The following WDPCP variants were observed in gnomAD, a reference collection of about 807,000 sequenced individuals.
WDPCP encodes the protein WD repeat containing planar cell polarity effector.
Under a neutral mutation model 93.1 loss-of-function variants are expected in WDPCP, and 71 were observed. The ratio of observed to expected loss-of-function variants is 0.76; its 90% CI spans 0.63 to 0.93. The LOEUF is 0.93. Ranked by LOEUF, WDPCP falls within the 40% of genes least tolerant of loss-of-function variation. WDPCP has a pLI of 0.00. For missense variants in WDPCP, 844 were observed against 887.4 expected (o/e 0.95, Z 0.62); for synonymous variants, 315 against 315.0 (o/e 1.00, Z 0.00).
chr2:63,562,991 T>C (rs932766489), intron 1 of WDPCP, among the ~76,000 whole-genome samples: 52 of 152,274 alleles, frequency 3.4e-4, no homozygotes, highest in African/African-American at 1.1e-3. Flanking sequence ...TAGACTGTCA[T>C]TGCTTCTAAG....
chr2:63,655,759 C>A (rs1710160307), intron 2 of WDPCP, among the ~76,000 whole-genome samples: 1 of 152,182 alleles, frequency 6.6e-6, no homozygotes. Context: ...ATATGCTGTT[C>A]TAAACCTTTT....
intron 2 of WDPCP, among the ~76,000 whole-genome samples, chr2:63,672,829 A>C (rs1206175639): frequency 6.6e-6 from 1 of 151,772 alleles, no homozygotes; most frequent in African/African-American, 2.4e-5. Flanking sequence ...GGCTCACTGA[A>C]GCCTTCTGGA....
chr2:63,807,946 T>C (rs1279246077), intron 2 of WDPCP, among the ~76,000 whole-genome samples: 1 of 152,254 alleles, frequency 6.6e-6, no homozygotes, highest in Non-Finnish European at 1.5e-5. Context: ...GGAAGCCATC[T>C]GTCAGAAAAC....
chr2:63,368,286 A>G (rs1039730383), intron 12 of WDPCP, among the ~76,000 whole-genome samples: 1 of 147,372 alleles, frequency 6.8e-6, no homozygotes, highest in African/African-American at 2.5e-5. Context: ...AGTTCTACTA[A>G]GTTTATTTTT....
chr2:63,812,250 G>A (rs1575780112), intron 2 of WDPCP, among the ~76,000 whole-genome samples: 1 of 152,020 alleles, frequency 6.6e-6, no homozygotes, highest in Non-Finnish European at 1.5e-5. Context: ...ACATGATTTT[G>A]TTCTTTTTTT....
At chr2:63,281,602 A>T (rs757682771) in intron 13 of WDPCP, among the ~76,000 whole-genome samples, 7 of 152,228 alleles carry the variant, frequency 4.6e-5, no homozygotes, top group Admixed American at 6.5e-5. Context: ...CGAGCGGATA[A>T]AGAAAATGTG....
intron 2 of WDPCP, among the ~76,000 whole-genome samples, chr2:63,739,358 C>T (rs1442375173): frequency 2.0e-5 from 3 of 152,136 alleles, no homozygotes; most frequent in Admixed American, 6.5e-5. Context: ...CACATGATCT[C>T]ATCCTTTTTT....
At chr2:63,494,919 C>CAA (rs34227025) in intron 1 of WDPCP, among the ~76,000 whole-genome samples, 108 of 69,344 alleles carry the variant, frequency 1.6e-3, no homozygotes, top group African/African-American at 2.9e-3. Flanking sequence ...GACTCCGTCT[C>CAA]AAAAAAAAAA....
At chr2:63,213,370 A>G (rs958078359) in intron 14 of WDPCP, among the ~76,000 whole-genome samples, 4 of 152,246 alleles carry the variant, frequency 2.6e-5, no homozygotes, top group African/African-American at 9.6e-5. Context: ...CTCCTGAATG[A>G]CTACTGGGTA....
rs145374126 is a variant in WDPCP, at chr2:63,310,244, G to A, written c.1812+3004C>T. On this transcript the variant is annotated intron_variant, in intron 13 of 17. Transcript: ENST00000272321. Reference sequence around the variant, plus strand: ...ATAAAATGAAAGCAAGCAAAGTTAGGTAAATTATACAAAATTATGCAGCTA... The same window carrying A: ...ATAAAATGAAAGCAAGCAAAGTTAGATAAATTATACAAAATTATGCAGCTA... Among the ~76,000 whole-genome samples the A allele has an allele frequency of 2.0e-3, 301 of 152,224 alleles. 2 individuals carry two copies. The Middle Eastern group carries it at 0.031, about 15-fold the overall frequency.
chr2:63,288,923 T>A (rs942998696), intron 13 of WDPCP, among the ~76,000 whole-genome samples: 2 of 152,128 alleles, frequency 1.3e-5, no homozygotes, highest in Non-Finnish European at 2.9e-5. Context: ...ATACTCCCCA[T>A]GACTAGATTT....
At chr2:63,188,129 C>T (rs1390383974) in intron 14 of WDPCP, among the ~76,000 whole-genome samples, 2 of 152,110 alleles carry the variant, frequency 1.3e-5, no homozygotes, top group Non-Finnish European at 2.9e-5. Flanking sequence ...CTTCCTTTGA[C>T]TCATAACAGT....
At chr2:63,214,793 A>G (rs967480017) in intron 14 of WDPCP, among the ~76,000 whole-genome samples, 4 of 152,190 alleles carry the variant, frequency 2.6e-5, no homozygotes, top group African/African-American at 7.2e-5. Flanking sequence ...TACAAAATCA[A>G]TGTGCAAAAA....
intron 13 of WDPCP, among the ~76,000 whole-genome samples, chr2:63,277,918 G>A (rs1429141983): frequency 6.6e-6 from 1 of 152,092 alleles, no homozygotes; most frequent in African/African-American, 2.4e-5. Flanking sequence ...GATATTTACA[G>A]AACATTCTAC....
At chr2:63,656,147 T>A (rs2106634817) in intron 2 of WDPCP, among the ~76,000 whole-genome samples, 1 of 152,322 alleles carries the variant, frequency 6.6e-6, no homozygotes, top group East Asian at 1.9e-4. Flanking sequence ...TTCTCAACTG[T>A]GAGTTCCAGT....
intron 15 of WDPCP, among the ~76,000 whole-genome samples, chr2:63,156,478 G>A (rs1340857560): frequency 1.3e-5 from 2 of 152,134 alleles, no homozygotes; most frequent in Non-Finnish European, 2.9e-5. Context: ...GCTCATGCCT[G>A]TAATCCCAGC....
chr2:63,352,566 T>G (rs1389823936), intron 12 of WDPCP, among the ~76,000 whole-genome samples: 1 of 152,186 alleles, frequency 6.6e-6, no homozygotes, highest in Non-Finnish European at 1.5e-5. Context: ...GATGAATGCA[T>G]TCAGGGAATC....
Position 63,433,845 on chromosome 2 carries a change from C to T in WDPCP, c.725G>A (p.Trp242Ter). Residue 242 changes from tryptophan (W) to a stop codon, truncating the protein, a stop_gained, in exon 9 of 18, where the codon TGG (tryptophan) becomes TAG (stop). Coordinates refer to ENST00000272321, the MANE Select transcript of WDPCP (RefSeq NM_015910.7). LOFTEE classifies it high-confidence loss of function. ...NCVHDRVVCW[W>*]PLVNDDAWPW... is the part of the protein sequence containing the mutation. ...CCAAGCATCATCGTTGACCAGTGGCCACCAGCAAACAACTCTATCATGAAC... is the reference window on the plus strand; with the variant it reads ...CCAAGCATCATCGTTGACCAGTGGCTACCAGCAAACAACTCTATCATGAAC... 6.2e-7 allele frequency: 1 copy of T among 1,613,988 alleles called. No individual in the cohort carries two copies. The highest frequency in any genetic ancestry group is 8.5e-7 in the Non-Finnish European group (1 of 1,179,956).
chr2:63,695,831 C>T (rs1249347557), intron 2 of WDPCP, among the ~76,000 whole-genome samples: 1 of 152,126 alleles, frequency 6.6e-6, no homozygotes, highest in Non-Finnish European at 1.5e-5. Flanking sequence ...TAAGGGTAAT[C>T]ATTATCCTGA....
Sources: allele counts gnomAD v4.1 joint callset (sites outside exome capture counted in the v4.1 genomes callset), GRCh38; gene constraint gnomAD v4.1.1; transcripts MANE v1.5; gene names NCBI Gene and HGNC (gene_info 2026-07-23, HGNC 2026-07-21).